Variants in PCDH15 observed in about 807,000 individuals in gnomAD.
PCDH15 encodes the protein protocadherin-15.
PCDH15 carries 129 observed loss-of-function variants against 178.5 expected under a neutral mutation model. The observed-to-expected ratio is 0.72, with a 90% CI of 0.63 to 0.84. The LOEUF is 0.84. PCDH15 is among the 40% of genes least tolerant of loss of function. The pLI is 0.00. For synonymous variants in PCDH15, 800 were observed against 732.0 expected, an observed-to-expected ratio of 1.09 and a Z score of -1.50; for missense variants, 2,230 against 2,099.9, an observed-to-expected ratio of 1.06 and a Z score of -1.21.
intron 5 of PCDH15, among the ~76,000 whole-genome samples, chr10:54,361,156 C>A (rs1565079473): frequency 6.6e-6 from 1 of 151,974 alleles, no homozygotes; most frequent in Non-Finnish European, 1.5e-5. Context: ...ATACTCAGGT[C>A]CCTAATTGAC....
intron 18 of PCDH15, among the ~76,000 whole-genome samples, chr10:54,023,615 T>C (rs2092995434): frequency 6.7e-6 from 1 of 148,962 alleles, no homozygotes; most frequent in South Asian, 2.1e-4. Flanking sequence ...TATTTATATA[T>C]GTTTAGTAAT....
chr10:54,205,892 G>T (rs950049918), intron 10 of PCDH15, among the ~76,000 whole-genome samples: 1 of 151,968 alleles, frequency 6.6e-6, no homozygotes, highest in Admixed American at 6.6e-5. Context: ...ATGCTGTAAA[G>T]TTTGTTTGCA....
At chr10:55,193,447 A>G (rs1839998495) in intron 1 of PCDH15, among the ~76,000 whole-genome samples, 1 of 152,010 alleles carries the variant, frequency 6.6e-6, no homozygotes. Context: ...TAAAGAAGTT[A>G]TGAAATATGA....
chr10:55,265,858 T>C (rs1026455317), intron 1 of PCDH15, among the ~76,000 whole-genome samples: 1 of 152,124 alleles, frequency 6.6e-6, no homozygotes, highest in African/African-American at 2.4e-5. Flanking sequence ...GAAATGGCCC[T>C]GGGACCAGAT....
At chr10:53,908,165 C>T (rs61858349) in intron 25 of PCDH15, among the ~76,000 whole-genome samples, 2 of 152,062 alleles carry the variant, frequency 1.3e-5, no homozygotes, top group African/African-American at 4.8e-5. Flanking sequence ...GATAGGGGAA[C>T]GTAGTGCTAC....
chr10:53,896,458 G>C (rs2081958197), intron 26 of PCDH15, among the ~76,000 whole-genome samples: 1 of 152,106 alleles, frequency 6.6e-6, no homozygotes, highest in African/African-American at 2.4e-5. Flanking sequence ...GTGAGTATTT[G>C]CTTTTAACAT....
chr10:55,148,799 A>T (rs550545221), intron 2 of PCDH15, among the ~76,000 whole-genome samples: 1 of 150,120 alleles, frequency 6.7e-6, no homozygotes, highest in East Asian at 1.9e-4. Context: ...TATATAAAAC[A>T]TGAGAATTTT....
intron 2 of PCDH15, among the ~76,000 whole-genome samples, chr10:55,379,111 T>C (rs1300913108): frequency 6.6e-6 from 1 of 151,868 alleles, no homozygotes; most frequent in Non-Finnish European, 1.5e-5. Context: ...TACATTGATA[T>C]ATATATATAT....
At chr10:55,074,533 G>T (rs570985698) in intron 2 of PCDH15, among the ~76,000 whole-genome samples, 1 of 152,052 alleles carries the variant, frequency 6.6e-6, no homozygotes, top group Admixed American at 6.6e-5. Context: ...GTCTGTTCAT[G>T]TCCTTTGATC....
intron 3 of PCDH15, among the ~76,000 whole-genome samples, chr10:54,419,702 C>T (rs185298242): frequency 1.6e-4 from 25 of 152,128 alleles, no homozygotes; most frequent in African/African-American, 5.3e-4. Context: ...GTTATTTCTC[C>T]CCAACTATCA....
chr10:55,012,389 TG>T (rs898055129), intron 2 of PCDH15, among the ~76,000 whole-genome samples: 3 of 152,146 alleles, frequency 2.0e-5, no homozygotes, highest in Non-Finnish European at 2.9e-5. Flanking sequence ...GATAAAGATC[TG>T]TTTTGCCAGG....
intron 3 of PCDH15, among the ~76,000 whole-genome samples, chr10:54,809,580 T>G (rs758388364): frequency 4.6e-5 from 7 of 152,184 alleles, no homozygotes; most frequent in Non-Finnish European, 8.8e-5. Flanking sequence ...TATTATCTCC[T>G]TTTCAGAAAC....
At chr10:53,821,681 T>C (rs1360744922) in intron 32 of PCDH15, 19 of 1,385,238 alleles carry the variant, frequency 1.4e-5, no homozygotes, top group South Asian at 1.6e-5. Flanking sequence ...ATCTATTATA[T>C]GAGTGAGTTA....
chr10:54,594,693 C>T lies in PCDH15; in HGVS notation c.92-66816G>A, dbSNP rs1252565217. On this transcript the variant is annotated intron_variant, in intron 2 of 37. Coordinates refer to ENST00000644397, the MANE Select transcript of PCDH15 (RefSeq NM_001384140.1). ...TACATGTGTTTGCAGACAGACCTAGCCTTTCCTTCTCTGACAGTGCATGTG... is the reference window on the plus strand; with the variant it reads ...TACATGTGTTTGCAGACAGACCTAGTCTTTCCTTCTCTGACAGTGCATGTG... Among the ~76,000 whole-genome samples, 6 of 152,330 alleles carry T rather than the reference C, an allele frequency of 3.9e-5. No individual in the cohort carries two copies. The East Asian group carries it at 1.2e-3, about 29-fold the overall frequency.
intron 11 of PCDH15, among the ~76,000 whole-genome samples, chr10:54,191,722 A>G (rs1435467753): frequency 6.8e-6 from 1 of 147,938 alleles, no homozygotes; most frequent in Admixed American, 7.0e-5. Context: ...CCTGGCCAAC[A>G]TGGTGAAACA....
chr10:54,368,917 T>C (rs1947217978), intron 5 of PCDH15, among the ~76,000 whole-genome samples: 1 of 152,048 alleles, frequency 6.6e-6, no homozygotes, highest in Non-Finnish European at 1.5e-5. Flanking sequence ...TATAAATACA[T>C]TATTTTTCCC....
intron 18 of PCDH15, among the ~76,000 whole-genome samples, chr10:54,051,956 C>T (rs1430347392): frequency 2.0e-5 from 3 of 152,152 alleles, no homozygotes; most frequent in Non-Finnish European, 4.4e-5. Context: ...CTTCAGAGGG[C>T]ACAAGCCCTA....
rs190511820 is a variant in PCDH15, at chr10:55,132,326, C to T, written c.-80+34250G>A. On this transcript the variant is annotated intron_variant, in intron 2 of 5. Transcript: ENST00000458638. Reference sequence around the variant, plus strand: ...GTTTACAAAAATTGGGGAAAAAGAGCGTTATATCCTTTGGTGGCTATAAAC... The same window carrying T: ...GTTTACAAAAATTGGGGAAAAAGAGTGTTATATCCTTTGGTGGCTATAAAC... Among the ~76,000 whole-genome samples, 9 of 152,260 alleles carry T rather than the reference C, an allele frequency of 5.9e-5. No individual in the cohort carries two copies. In the East Asian group the frequency reaches 1.3e-3, roughly 23 times the overall value.
Position 54,997,718 on chromosome 10 carries a change from A to T in PCDH15, c.-79-100218T>A, listed in dbSNP as rs545444179. Among the ~76,000 whole-genome samples, 2 of 152,296 alleles carry T rather than the reference A, an allele frequency of 1.3e-5. 1 individual carries two copies. The highest frequency in any genetic ancestry group is 4.1e-4 in the South Asian group (2 of 4,826). ...TGTTACTATAAAACCTAATATTTAC[A>T]GGTTATAAAATGGTTAACAAGGAAA... On this transcript the variant is annotated intron_variant, in intron 2 of 5. Coordinates refer to the PCDH15 transcript ENST00000458638.
Sources: allele counts gnomAD v4.1 joint callset (sites outside exome capture counted in the v4.1 genomes callset), GRCh38; gene constraint gnomAD v4.1.1; transcripts MANE v1.5; gene names NCBI Gene and HGNC (gene_info 2026-07-23, HGNC 2026-07-21).